Variants in PAFAH2 observed in about 807,000 individuals in gnomAD.
PAFAH2 encodes platelet activating factor acetylhydrolase 2, also known as platelet-activating factor acetylhydrolase 2, cytoplasmic.
In PAFAH2, 42 loss-of-function variants were observed where a neutral mutation model predicts 49.0. That is an observed-to-expected ratio of 0.86 (90% CI 0.67 to 1.11). The LOEUF is 1.11. Among genes scored for constraint, PAFAH2 ranks in the 50% least tolerant of loss-of-function variants. PAFAH2 has a pLI of 0.00. For missense variants in PAFAH2, 503 were observed against 501.8 expected (o/e 1.00, Z -0.02); for synonymous variants, 184 against 181.3 (o/e 1.01, Z -0.12).
In PAFAH2 at chr1:25,989,548, C is replaced by T; in HGVS notation, c.144G>A (p.Glu48=). 6.2e-7 allele frequency: 1 copy of T among 1,612,212 alleles called. No individual in the cohort carries two copies. The highest frequency in any genetic ancestry group is 8.5e-7 in the Non-Finnish European group (1 of 1,179,106). Residue 48 remains glutamate, a synonymous_variant, in exon 3 of 11, where the codon GAG becomes GAA. Transcript: ENST00000374282. The part of the protein sequence containing the change: ...YPCQKAEETM[E]QPLWIPRYEY... ...CATAGCGGGGAATCCACAGGGGCTG[C>T]TCCATGGTCTCCTCTGCCTTTTGGC... is the stretch of plus-strand genomic sequence containing the variant.
intron 10 of PAFAH2, chr1:25,964,296 T>G (rs1030291938): frequency 1.3e-5 from 2 of 152,368 alleles, no homozygotes; most frequent in Non-Finnish European, 2.9e-5. Flanking sequence ...GCTTTCCATA[T>G]TTTTAAAGAG....
At position 25,979,904 on chromosome 1, in the gene PAFAH2, G is replaced by GC. The variant is rs2049657216; in HGVS notation, c.666+2459dup. 3.9e-5 allele frequency among the ~76,000 whole-genome samples: 6 copies of GC among 152,346 alleles called. No homozygotes were observed. In the South Asian group the frequency reaches 1.0e-3, roughly 26 times the overall value. On this transcript the variant is annotated intron_variant, in intron 7 of 10. Transcript: ENST00000374282. ...GCCTCCCAAACTGTTGGGATTACAG[G>GC]CATGAGCCTGGTTTCCCAGTGCCTT...
At chr1:25,970,473 G>A (rs974544045) in intron 10 of PAFAH2, among the ~76,000 whole-genome samples, 9 of 152,164 alleles carry the variant, frequency 5.9e-5, no homozygotes, top group African/African-American at 1.7e-4. Context: ...GTGAGACTCC[G>A]TCTCAAACAA....
chr1:25,978,508 A>C (rs298443), intron 7 of PAFAH2, among the ~76,000 whole-genome samples: 1 of 152,044 alleles, frequency 6.6e-6, no homozygotes, highest in African/African-American at 2.4e-5. Flanking sequence ...CCGATCACCA[A>C]ATCTTTTCCT....
chr1:25,996,851 T>C (rs759650109), intron 1 of PAFAH2, among the ~76,000 whole-genome samples: 49 of 152,230 alleles, frequency 3.2e-4, no homozygotes, highest in Non-Finnish European at 6.5e-4. Flanking sequence ...GCTTATAAAA[T>C]GTTAGGAACT....
intron 2 of PAFAH2, 145 bp from the exon 3 acceptor site, chr1:25,989,746 C>G: frequency 1.8e-6 from 1 of 548,366 alleles, no homozygotes. Context: ...GCCTGAATTT[C>G]ACATTCAGAA....
intron 10 of PAFAH2, among the ~76,000 whole-genome samples, chr1:25,966,712 C>CTT (rs1332426135): frequency 6.6e-6 from 1 of 152,074 alleles, no homozygotes; most frequent in East Asian, 1.9e-4. Flanking sequence ...AAAGCCCAGA[C>CTT]TTTACCACGT....
In PAFAH2 at chr1:25,982,382, C is replaced by A. The variant is rs930802082; in HGVS notation, c.648G>T (p.Leu216Phe). 6 of 1,613,798 alleles carry A rather than the reference C, an allele frequency of 3.7e-6. No homozygotes were observed. The highest frequency in any genetic ancestry group is 4.2e-6 in the Non-Finnish European group (5 of 1,179,832). Residue 216 changes from leucine to phenylalanine, a missense_variant, in exon 7 of 11, where the codon TTG becomes TTT. Transcript: ENST00000374282. ...QTVFNILPGG[L>F]DLMTLKGNID... ...TCCATACCTTCAAAGTCATCAGATCCAAGCCACCAGGCAAGATGTTGAAGA... is the reference window on the plus strand; with the variant it reads ...TCCATACCTTCAAAGTCATCAGATCAAAGCCACCAGGCAAGATGTTGAAGA...
At chr1:25,986,764 CAG>C (rs1309246984) in intron 4 of PAFAH2, among the ~76,000 whole-genome samples, 3 of 151,998 alleles carry the variant, frequency 2.0e-5, no homozygotes, top group Admixed American at 1.3e-4. Flanking sequence ...CTCCCAACCT[CAG>C]GTGATCCACC....
chr1:25,989,569 T>C lies in PAFAH2; in HGVS notation c.123A>G (p.Gln41=), dbSNP rs762343245. The C allele has an allele frequency of 1.2e-6, 2 of 1,609,238 alleles. No homozygotes were observed. Among genetic ancestry groups the C allele is most frequent in the South Asian group, 2.2e-5 (2 of 90,224 alleles). The change falls in exon 3 of 11, where the codon CAA becomes CAG. Residue 41 remains glutamine (Q), a synonymous_variant. Coordinates refer to ENST00000374282, the MANE Select transcript of PAFAH2 (RefSeq NM_000437.4). ...GCTGCTCCATGGTCTCCTCTGCCTT[T>C]TGGCAGGGGTAGAAGAGTCGAAAGA... ...GSFFRLFYPC[Q]KAEETMEQPL...
intron 2 of PAFAH2, among the ~76,000 whole-genome samples, chr1:25,990,135 C>T (rs917727926): frequency 2.0e-5 from 3 of 152,156 alleles, no homozygotes; most frequent in African/African-American, 7.2e-5. Flanking sequence ...GGCACAGTGG[C>T]TCATGCCTGT....
chr1:25,983,011 G>A (rs975616716), intron 6 of PAFAH2, among the ~76,000 whole-genome samples: 3 of 152,140 alleles, frequency 2.0e-5, no homozygotes, highest in Non-Finnish European at 4.4e-5. Flanking sequence ...TTTGGCACCA[G>A]GGTAAGGGAC....
rs1222040879 is a variant in PAFAH2, at chr1:25,972,680, G to T, written c.962C>A (p.Ala321Asp). The T allele has an allele frequency of 6.2e-7, 1 of 1,613,926 alleles. No individual in the cohort carries two copies. The highest frequency in any genetic ancestry group is 1.1e-5 in the South Asian group (1 of 91,076). ...ACCAATCAAGTTGCCAGTCACAAAA[G>T]CAAAGTCAGTTTGACTCCGATGAAC... ...GSVHRSQTDF[A>D]FVTGNLIGKF... Residue 321 changes from alanine to aspartate, a missense_variant, in exon 10 of 11, where the codon GCT becomes GAT. By Grantham distance (126) the Ala-to-Asp change is moderately radical. Transcript: ENST00000374282.
intron 7 of PAFAH2, among the ~76,000 whole-genome samples, chr1:25,979,537 G>A (rs543401889): frequency 6.6e-6 from 1 of 152,186 alleles, no homozygotes; most frequent in African/African-American, 2.4e-5. Context: ...GCCCAGACTG[G>A]AGTGCAATGG....
chr1:25,982,401 T>C lies in PAFAH2; in HGVS notation c.629A>G (p.Asn210Ser), dbSNP rs868632149. 5.0e-6 allele frequency: 8 copies of C among 1,614,064 alleles called. No homozygotes were observed. The African/African-American group carries it at 6.7e-5, about 13-fold the overall frequency. ...CAGATCCAAGCCACCAGGCAAGATG[T>C]TGAAGACAGTCTGCCCAGCAGTGAC... ...QEVTAGQTVF[N>S]ILPGGLDLMT... The change falls in exon 7 of 11, where the codon AAC becomes AGC. Residue 210 changes from asparagine to serine, a missense_variant. Coordinates refer to ENST00000374282, the MANE Select transcript of PAFAH2 (RefSeq NM_000437.4).
intron 9 of PAFAH2, 31 bp downstream of exon 9, chr1:25,974,449 C>A: frequency 6.5e-7 from 1 of 1,541,966 alleles, no homozygotes; most frequent in Non-Finnish European, 8.8e-7. Context: ...ATGGAGAGGG[C>A]CCTGGGATCA....
chr1:25,972,078 T>C (rs183394630), intron 10 of PAFAH2, among the ~76,000 whole-genome samples: 8 of 152,240 alleles, frequency 5.3e-5, no homozygotes, highest in Admixed American at 3.9e-4. Flanking sequence ...TTCAGTTAAG[T>C]ATTTTTTCTT....
At chr1:25,972,461 T>C (rs1390900230) in intron 10 of PAFAH2, 97 bp downstream of exon 10, 2 of 1,369,224 alleles carry the variant, frequency 1.5e-6, no homozygotes, top group African/African-American at 2.9e-5. Context: ...GCCATAAATC[T>C]CCTTCCCAGA....
At chr1:25,990,040 G>A (rs2049850456) in intron 2 of PAFAH2, among the ~76,000 whole-genome samples, 1 of 152,114 alleles carries the variant, frequency 6.6e-6, no homozygotes. Flanking sequence ...CATGGGAGTA[G>A]GTGAGGGGTT....
Sources: allele counts gnomAD v4.1 joint callset (sites outside exome capture counted in the v4.1 genomes callset), GRCh38; gene constraint gnomAD v4.1.1; transcripts MANE v1.5; gene names NCBI Gene and HGNC (gene_info 2026-07-23, HGNC 2026-07-21).